Variants in TGFBRAP1 observed in about 807,000 individuals in gnomAD.
TGFBRAP1 encodes the protein transforming growth factor-beta receptor-associated protein 1.
Under a neutral mutation model 83.2 loss-of-function variants are expected in TGFBRAP1, and 20 were observed. The ratio of observed to expected loss-of-function variants is 0.24; its 90% CI spans 0.17 to 0.35. The LOEUF (loss-of-function observed/expected upper bound fraction) is 0.35, where lower values mean the gene tolerates loss of function less well. Among genes scored for constraint, TGFBRAP1 ranks in the 10% least tolerant of loss-of-function variants. TGFBRAP1 has a pLI of 1.00. For missense variants in TGFBRAP1, 950 were observed against 1,099.4 expected (o/e 0.86, Z 1.92); for synonymous variants, 415 against 459.8 (o/e 0.90, Z 1.25).
downstream of TGFBRAP1, among the ~76,000 whole-genome samples, chr2:105,262,175 G>A (rs1324930835): frequency 6.6e-6 from 1 of 152,148 alleles, no homozygotes; most frequent in Admixed American, 6.5e-5. Flanking sequence ...CCACTGATAT[G>A]GTTTGGATGC....
At chr2:105,250,494 G>A in the TGFBRAP1 span, among the ~76,000 whole-genome samples, 114 of 152,086 alleles carry the variant, frequency 7.5e-4, 2 homozygotes, top group Non-Finnish European at 2.1e-4. Flanking sequence ...TCCTTTGGAG[G>A]AATATATTTC....
intron 7 of TGFBRAP1, among the ~76,000 whole-genome samples, chr2:105,276,412 C>T (rs1479681194): frequency 6.6e-6 from 1 of 152,128 alleles, no homozygotes; most frequent in South Asian, 2.1e-4. Flanking sequence ...CACAGCACCA[C>T]CCCTCCAAGC....
intron 1 of TGFBRAP1, among the ~76,000 whole-genome samples, chr2:105,310,077 AT>A (rs1227657413): frequency 6.6e-6 from 1 of 152,154 alleles, no homozygotes; most frequent in East Asian, 1.9e-4. Flanking sequence ...TACCTAGTGT[AT>A]GGTAGTTTGT....
rs1012993034 is a variant in TGFBRAP1 at position 105,265,298 on chromosome 2, G to C, written c.*2085C>G. 1.3e-5 allele frequency: 2 copies of C among 152,244 alleles called. No homozygotes were observed. Among genetic ancestry groups the C allele is most frequent in the East Asian group, 3.9e-4 (2 of 5,170 alleles). 9.4% of individuals were successfully genotyped at this position (152,244 alleles called of 1,614,324 possible). ...ATCCTGGCCAACATGGTGAAACCCC[G>C]TCTCTACTAAAAATACAAAAATTAG... On this transcript the variant is annotated 3_prime_UTR_variant, in exon 12 of 12. Transcript: ENST00000393359.
At chr2:105,319,727 G>C (rs1163542380) in intron 1 of TGFBRAP1, among the ~76,000 whole-genome samples, 1 of 148,196 alleles carries the variant, frequency 6.7e-6, no homozygotes, top group Non-Finnish European at 1.5e-5. Context: ...AAAGAGGCTT[G>C]TAACTCCAAC....
chr2:105,258,525 C>T, the TGFBRAP1 span, among the ~76,000 whole-genome samples: 1 of 151,636 alleles, frequency 6.6e-6, no homozygotes. Flanking sequence ...CTCCTCTCAT[C>T]TTCTCCTGCC....
At chr2:105,317,053 G>A (rs143492247) in intron 1 of TGFBRAP1, among the ~76,000 whole-genome samples, 36 of 150,496 alleles carry the variant, frequency 2.4e-4, no homozygotes, top group Admixed American at 6.6e-4. Flanking sequence ...GGCATATACC[G>A]TGTATACACA....
intron 10 of TGFBRAP1, among the ~76,000 whole-genome samples, chr2:105,271,650 C>T (rs114094723): frequency 1.4e-3 from 207 of 152,370 alleles, no homozygotes; most frequent in African/African-American, 4.7e-3. Context: ...ACAGGCCTCA[C>T]TTCACAGGGT....
chr2:105,287,998 G>A (rs1213070849), intron 4 of TGFBRAP1, among the ~76,000 whole-genome samples: 2 of 152,046 alleles, frequency 1.3e-5, no homozygotes, highest in African/African-American at 4.8e-5. Flanking sequence ...CAACTCCTAG[G>A]CCAAATGTGA....
the TGFBRAP1 span, among the ~76,000 whole-genome samples, chr2:105,251,678 A>T: frequency 1.3e-5 from 2 of 152,160 alleles, no homozygotes; most frequent in Non-Finnish European, 2.9e-5. Context: ...CCATGATGAC[A>T]ATGGCGGTTT....
chr2:105,270,964 A>G (rs1677135071), intron 10 of TGFBRAP1, among the ~76,000 whole-genome samples: 1 of 152,226 alleles, frequency 6.6e-6, no homozygotes, highest in Non-Finnish European at 1.5e-5. Flanking sequence ...TCATCTAACT[A>G]AGAAGGGATA....
rs758531094 is a variant in TGFBRAP1, at chr2:105,298,497, A to G, written c.883+14T>C. ...TTAAGTAAATTTCACTAAGACTTCTATGTGAATGAGTACCTTCAAAGTCCT... is the reference window on the plus strand; with the variant it reads ...TTAAGTAAATTTCACTAAGACTTCTGTGTGAATGAGTACCTTCAAAGTCCT... On this transcript the variant is annotated intron_variant, in intron 3 of 11. Coordinates refer to ENST00000393359, the MANE Select transcript of TGFBRAP1 (RefSeq NM_004257.6). 2 of 1,558,830 alleles carry G rather than the reference A, an allele frequency of 1.3e-6. No individual in the cohort carries two copies. The highest frequency in any genetic ancestry group is 1.7e-6 in the Non-Finnish European group (2 of 1,149,906).
intron 1 of TGFBRAP1, among the ~76,000 whole-genome samples, chr2:105,317,417 C>G (rs1345485859): frequency 1.4e-5 from 2 of 146,322 alleles, no homozygotes; most frequent in Non-Finnish European, 3.0e-5. Context: ...AGCCTGGCGA[C>G]AGAGTGAGAC....
Position 105,309,741 on chromosome 2 carries a change from C to T in TGFBRAP1, c.-17-1423G>A, listed in dbSNP as rs1376350873. ...AGTCCTTCCTGTTTTCTTCCCATCA[C>T]TTGAGCAAATTACTTGGTGCTATGG... On this transcript the variant is annotated intron_variant, in intron 1 of 11. Transcript: ENST00000393359. Among the ~76,000 whole-genome samples, 3 of 152,170 alleles carry T rather than the reference C, an allele frequency of 2.0e-5. No homozygotes were observed. The East Asian group carries it at 5.8e-4, about 29-fold the overall frequency.
intron 3 of TGFBRAP1, among the ~76,000 whole-genome samples, chr2:105,297,158 A>T (rs1336659466): frequency 6.6e-6 from 1 of 152,066 alleles, no homozygotes; most frequent in Admixed American, 6.5e-5. Context: ...TCCTACTACT[A>T]AGCTTCCAGA....
the TGFBRAP1 span, among the ~76,000 whole-genome samples, chr2:105,253,121 G>T: frequency 6.6e-6 from 1 of 151,506 alleles, no homozygotes; most frequent in African/African-American, 2.4e-5. Flanking sequence ...ATGAATAAAT[G>T]CCCCTTAGTT....
chr2:105,258,200 A>G, the TGFBRAP1 span, among the ~76,000 whole-genome samples: 1 of 152,194 alleles, frequency 6.6e-6, no homozygotes, highest in South Asian at 2.1e-4. Flanking sequence ...TCGCCAGCTC[A>G]TCAGCCCCAG....
chr2:105,291,444 T>C (rs578020481), intron 4 of TGFBRAP1, among the ~76,000 whole-genome samples: 2 of 152,288 alleles, frequency 1.3e-5, no homozygotes, highest in Non-Finnish European at 2.9e-5. Flanking sequence ...AGTTTTTTAA[T>C]CTCTCAGTCT....
intron 4 of TGFBRAP1, among the ~76,000 whole-genome samples, chr2:105,296,041 C>A (rs1461533125): frequency 6.6e-6 from 1 of 152,040 alleles, no homozygotes; most frequent in Non-Finnish European, 1.5e-5. Context: ...GTTATTGATC[C>A]TTCTCTGAAG....
Sources: gnomAD v4.1 joint callset for allele counts (sites outside exome capture counted in the v4.1 genomes callset) on GRCh38, gnomAD v4.1.1 for gene constraint, MANE v1.5 for transcripts, NCBI Gene and HGNC (gene_info 2026-07-23, HGNC 2026-07-21) for gene names.